Variants in NUBPL observed in about 807,000 individuals in gnomAD.
NUBPL encodes NUBP iron-sulfur cluster assembly factor, mitochondrial, also known as iron-sulfur cluster transfer protein NUBPL.
A neutral mutation model predicts 45.7 loss-of-function variants in NUBPL; 31 were observed. The observed-to-expected ratio is 0.68, with a 90% CI of 0.51 to 0.92. The LOEUF (loss-of-function observed/expected upper bound fraction) is 0.92, where lower values mean the gene tolerates loss of function less well. Among genes scored for constraint, NUBPL ranks in the 40% least tolerant of loss-of-function variants. NUBPL has a pLI of 0.00. For missense variants in NUBPL, 401 were observed against 398.7 expected (o/e 1.01, Z -0.05); for synonymous variants, 144 against 140.9 (o/e 1.02, Z -0.15).
At chr14:31,585,629 T>TC (rs1002258813) in intron 3 of NUBPL, among the ~76,000 whole-genome samples, 2 of 152,226 alleles carry the variant, frequency 1.3e-5, no homozygotes, top group African/African-American at 4.8e-5. Flanking sequence ...CAGGCTGCTA[T>TC]CCATATTTCT....
chr14:31,805,614 A>G (rs566415382), intron 7 of NUBPL, among the ~76,000 whole-genome samples: 1 of 152,280 alleles, frequency 6.6e-6, no homozygotes, highest in East Asian at 1.9e-4. Context: ...TTGCGGGGAC[A>G]TGGATGGAGC....
chr14:31,822,483 C>T (rs533164918), intron 7 of NUBPL, among the ~76,000 whole-genome samples: 38 of 151,872 alleles, frequency 2.5e-4, no homozygotes, highest in Non-Finnish European at 4.7e-4. Flanking sequence ...ATATGATATA[C>T]GAAACTTATA....
intron 4 of NUBPL, among the ~76,000 whole-genome samples, chr14:31,641,824 A>G (rs1372576278): frequency 3.9e-5 from 6 of 152,130 alleles, no homozygotes. Context: ...CCCTTTATTT[A>G]CATCCTCACC....
intron 4 of NUBPL, among the ~76,000 whole-genome samples, chr14:31,615,763 G>C (rs2139614213): frequency 6.6e-6 from 1 of 152,308 alleles, no homozygotes; most frequent in East Asian, 1.9e-4. Context: ...ACATACGTGT[G>C]CATGTGTCTT....
At chr14:31,766,337 A>C (rs1020748743) in intron 6 of NUBPL, among the ~76,000 whole-genome samples, 2 of 152,226 alleles carry the variant, frequency 1.3e-5, no homozygotes, top group African/African-American at 4.8e-5. Context: ...TTTAGGGCCT[A>C]GTCATTTAAT....
At chr14:31,834,220 C>T (rs1228336748) in intron 8 of NUBPL, among the ~76,000 whole-genome samples, 2 of 118,328 alleles carry the variant, frequency 1.7e-5, no homozygotes, top group African/African-American at 3.3e-5. Flanking sequence ...CTTGCTCTGT[C>T]GCCAGGCTGG....
chr14:31,710,666 C>T (rs1179091269), intron 6 of NUBPL, among the ~76,000 whole-genome samples: 1 of 152,122 alleles, frequency 6.6e-6, no homozygotes, highest in Non-Finnish European at 1.5e-5. Flanking sequence ...GATGTTATGC[C>T]CCCAGAATGA....
chr14:31,801,739 T>C (rs1402206782), intron 7 of NUBPL, among the ~76,000 whole-genome samples: 1 of 152,190 alleles, frequency 6.6e-6, no homozygotes, highest in Non-Finnish European at 1.5e-5. Flanking sequence ...ATTGTTCTTA[T>C]AATAGAAGGG....
At chr14:31,763,307 A>T (rs901712814) in intron 6 of NUBPL, among the ~76,000 whole-genome samples, 2 of 152,188 alleles carry the variant, frequency 1.3e-5, no homozygotes, top group South Asian at 4.1e-4. Flanking sequence ...CTTAGCCTGA[A>T]GGTACTAAAG....
At chr14:31,849,952 T>G in intron 9 of NUBPL, 167 bp from the exon 10 acceptor site, 1 of 649,254 alleles carries the variant, frequency 1.5e-6, no homozygotes. Context: ...GTATCTTGTT[T>G]GTAATTCCCA....
chr14:31,772,140 G>A (rs1460484333), intron 6 of NUBPL, among the ~76,000 whole-genome samples: 3 of 152,024 alleles, frequency 2.0e-5, no homozygotes, highest in Non-Finnish European at 2.9e-5. Context: ...TAGTAAAAGT[G>A]TATTGTAGCT....
intron 3 of NUBPL, among the ~76,000 whole-genome samples, chr14:31,578,741 A>G (rs1050362999): frequency 5.3e-5 from 8 of 152,244 alleles, no homozygotes; most frequent in Non-Finnish European, 1.2e-4. Context: ...CCAAAAGGAC[A>G]TAAGTCTCCT....
intron 7 of NUBPL, among the ~76,000 whole-genome samples, chr14:31,793,782 C>T (rs901929053): frequency 1.3e-5 from 2 of 150,910 alleles, no homozygotes; most frequent in African/African-American, 4.9e-5. Flanking sequence ...GCTAGTCTGA[C>T]TAGCTATTAC....
At chr14:31,739,375 G>A (rs112855488) in intron 6 of NUBPL, among the ~76,000 whole-genome samples, 12,681 of 151,448 alleles carry the variant, frequency 0.084, 643 homozygotes, top group African/African-American at 0.14. Flanking sequence ...ATGAGCCACC[G>A]TGCCTGGCCA....
At chr14:31,763,062 G>A (rs1184409353) in intron 6 of NUBPL, among the ~76,000 whole-genome samples, 1 of 152,172 alleles carries the variant, frequency 6.6e-6, no homozygotes, top group Non-Finnish European at 1.5e-5. Context: ...ACGGGTCTAT[G>A]TGAGAAATGT....
At chr14:31,641,138 G>C (rs991308169) in intron 4 of NUBPL, among the ~76,000 whole-genome samples, 1 of 152,074 alleles carries the variant, frequency 6.6e-6, no homozygotes, top group Non-Finnish European at 1.5e-5. Flanking sequence ...TTTTAGTGGA[G>C]ACAGGGTTTC....
chr14:31,733,852 CTT>C (rs1016446665), intron 6 of NUBPL, among the ~76,000 whole-genome samples: 1 of 152,140 alleles, frequency 6.6e-6, no homozygotes, highest in African/African-American at 2.4e-5. Context: ...GTATTGATCT[CTT>C]AGGAAAAGCA....
At chr14:31,730,981 T>C (rs901734464) in intron 6 of NUBPL, among the ~76,000 whole-genome samples, 6 of 152,048 alleles carry the variant, frequency 3.9e-5, no homozygotes, top group Non-Finnish European at 8.8e-5. Flanking sequence ...CAACAGACGA[T>C]AGAAATAGAC....
intron 6 of NUBPL, among the ~76,000 whole-genome samples, chr14:31,731,743 A>G (rs2038052066): frequency 6.6e-6 from 1 of 152,184 alleles, no homozygotes; most frequent in Non-Finnish European, 1.5e-5. Context: ...ATCCATTTTT[A>G]TGACTTACAT....
Sources: gnomAD v4.1 joint callset for allele counts (sites outside exome capture counted in the v4.1 genomes callset) on GRCh38, gnomAD v4.1.1 for gene constraint, MANE v1.5 for transcripts, NCBI Gene and HGNC (gene_info 2026-07-23, HGNC 2026-07-21) for gene names.